SLC24A4: variants seen among roughly 807,000 people sequenced by gnomAD.
The protein encoded by SLC24A4 is sodium/potassium/calcium exchanger 4.
Under a neutral mutation model 79.0 loss-of-function variants are expected in SLC24A4, and 53 were observed. The observed-to-expected ratio is 0.67, with a 90% confidence interval of 0.54 to 0.84. The LOEUF is 0.84. SLC24A4 is among the 40% of genes least tolerant of loss of function. The probability of loss-of-function intolerance (pLI) is 0.00; values close to 1 mark genes in which losing one functional copy is unlikely to be tolerated. For synonymous variants in SLC24A4, 323 were observed against 323.8 expected (o/e 1.00, Z 0.03); for missense variants, 731 against 822.0 (o/e 0.89, Z 1.35).
intron 2 of SLC24A4, among the ~76,000 whole-genome samples, chr14:92,345,781 G>A (rs929860522): frequency 2.6e-5 from 4 of 152,184 alleles, no homozygotes; most frequent in African/African-American, 9.7e-5. Flanking sequence ...GTGAAAGGGG[G>A]ATGTTCATAG....
chr14:92,465,389 TC>T (rs1894046633), intron 12 of SLC24A4, among the ~76,000 whole-genome samples: 1 of 152,162 alleles, frequency 6.6e-6, no homozygotes, highest in African/African-American at 2.4e-5. Flanking sequence ...GGCCTTAACT[TC>T]AGGTCATCTT....
At chr14:92,478,473 CA>C (rs754691977) in intron 12 of SLC24A4, among the ~76,000 whole-genome samples, 6 of 152,130 alleles carry the variant, frequency 3.9e-5, no homozygotes, top group Non-Finnish European at 7.3e-5. Context: ...TTTCTGGACT[CA>C]AAATTTTATT....
chr14:92,454,260 A>G (rs1380222373), intron 11 of SLC24A4, among the ~76,000 whole-genome samples, 191 bp downstream of exon 11: 1 of 152,236 alleles, frequency 6.6e-6, no homozygotes, highest in African/African-American at 2.4e-5. Flanking sequence ...GCCTGCAGCA[A>G]TCGAATACCT....
At chr14:92,380,932 C>T (rs1027288982) in intron 2 of SLC24A4, among the ~76,000 whole-genome samples, 3 of 152,136 alleles carry the variant, frequency 2.0e-5, no homozygotes, top group Non-Finnish European at 1.5e-5. Flanking sequence ...ATGTACTCTT[C>T]CTTTTGGGCC....
intron 2 of SLC24A4, among the ~76,000 whole-genome samples, chr14:92,355,722 G>T (rs4243693): frequency 0.87 from 133,007 of 152,216 alleles, 58,547 homozygotes; most frequent in East Asian, 0.98. Context: ...ATCATACCTT[G>T]GAGGATCTGC....
At chr14:92,361,974 G>A (rs1887557506) in intron 2 of SLC24A4, among the ~76,000 whole-genome samples, 1 of 152,182 alleles carries the variant, frequency 6.6e-6, no homozygotes, top group South Asian at 2.1e-4. Context: ...GCCCAGAGGA[G>A]GACCCTTGAG....
At chr14:92,463,931 C>T (rs1294390555) in intron 12 of SLC24A4, among the ~76,000 whole-genome samples, 1 of 152,172 alleles carries the variant, frequency 6.6e-6, no homozygotes, top group Non-Finnish European at 1.5e-5. Flanking sequence ...CTTCCTTTAC[C>T]TAACATGATG....
chr14:92,348,162 T>G (rs2141635671), intron 2 of SLC24A4, among the ~76,000 whole-genome samples: 1 of 152,300 alleles, frequency 6.6e-6, no homozygotes, highest in East Asian at 1.9e-4. Context: ...ACTGAGTGTG[T>G]GAACTCAGCA....
chr14:92,479,013 A>G (rs1894918156), intron 12 of SLC24A4, among the ~76,000 whole-genome samples: 3 of 152,182 alleles, frequency 2.0e-5, no homozygotes, highest in Admixed American at 6.5e-5. Context: ...ATGTAGAAAA[A>G]CACAACTGAA....
Position 92,501,372 on chromosome 14 carries a change from GA to G in SLC24A4, c.*7751del, listed in dbSNP as rs1321018019. The G allele has an allele frequency of 3.9e-5, 6 of 152,048 alleles. No homozygotes were observed. Among genetic ancestry groups the G allele is most frequent in the African/African-American group, 1.4e-4 (6 of 41,412 alleles). The allele number at this position is 152,048 out of a possible 1,614,324, so 9.4% of individuals were successfully genotyped here. On this transcript the variant is annotated 3_prime_UTR_variant, in exon 17 of 17. Coordinates refer to ENST00000532405, the MANE Select transcript of SLC24A4 (RefSeq NM_153646.4). ...GGCATGAGTTTATTTTTATTGTGAAGAAAAAAATCTACAGCAATCTAAACTA... is the reference window on the plus strand; with the variant it reads ...GGCATGAGTTTATTTTTATTGTGAAGAAAAAATCTACAGCAATCTAAACTA...
intron 2 of SLC24A4, among the ~76,000 whole-genome samples, chr14:92,373,211 C>CACAT (rs145882618): frequency 2.7e-3 from 402 of 149,418 alleles, no homozygotes; most frequent in Non-Finnish European, 4.4e-3. Context: ...CACACACACA[C>CACAT]ATATATATAT....
In SLC24A4 at chr14:92,501,158, T is replaced by A. The variant is rs1896145502; in HGVS notation, c.*7530T>A. ...GCTGAACACCACCATCTTTGTTCAT[T>A]CTCTCTCTAATGGGCAAAGCAGGAT... On this transcript the variant is annotated 3_prime_UTR_variant, in exon 17 of 17. Transcript: ENST00000532405. 6.6e-6 allele frequency: 1 copy of A among 152,236 alleles called. No individual in the cohort carries two copies. Among genetic ancestry groups the A allele is most frequent in the African/African-American group, 2.4e-5 (1 of 41,458 alleles). The allele number at this position is 152,236 out of a possible 1,614,324, so 9.4% of individuals were successfully genotyped here. A position where few individuals can be genotyped will look rare whatever the true frequency, so the allele number is the denominator to read the frequency against.
At chr14:92,487,304 A>T (rs565670340) in intron 14 of SLC24A4, among the ~76,000 whole-genome samples, 10 of 152,322 alleles carry the variant, frequency 6.6e-5, no homozygotes, top group Non-Finnish European at 1.5e-4. Flanking sequence ...AAGAGCTGTA[A>T]CAAGTGCAGG....
chr14:92,449,086 G>T lies in SLC24A4; in HGVS notation c.750G>T (p.Lys250Asn), dbSNP rs1213543233. The T allele has an allele frequency of 1.2e-6, 2 of 1,614,144 alleles. No homozygotes were observed. The highest frequency in any genetic ancestry group is 8.5e-7 in the Non-Finnish European group (1 of 1,180,024). ...CCCTCGCTTCCAGGTACAATGTGAA[G>T]ATGCAAGCCTTTTTCACAGTCAAAC... ...FYILIMKYNV[K>N]MQAFFTVKQK... The change falls in exon 10 of 17, where the codon AAG becomes AAT. Residue 250 changes from lysine (K) to asparagine (N), a missense_variant. Transcript: ENST00000532405.
chr14:92,324,076 C>A, intron 1 of SLC24A4, 116 bp downstream of exon 1: 3 of 1,362,952 alleles, frequency 2.2e-6, no homozygotes, highest in South Asian at 1.5e-5. Context: ...CCCAAGGGTT[C>A]ATCCAGTCCC....
rs542928384 is a variant in SLC24A4 at position 92,416,006 on chromosome 14, C to T, written c.242-17906C>T. 1.4e-4 allele frequency among the ~76,000 whole-genome samples: 22 copies of T among 152,140 alleles called. No homozygotes were observed. In the South Asian group the frequency reaches 3.1e-3, roughly 21 times the overall value. ...ACTCCCACTTGTAAGTGAAAACATACGATGTTTGGTTTTCCAATGCATGGG... is the reference window on the plus strand; with the variant it reads ...ACTCCCACTTGTAAGTGAAAACATATGATGTTTGGTTTTCCAATGCATGGG... On this transcript the variant is annotated intron_variant, in intron 2 of 16. Transcript: ENST00000532405.
At chr14:92,471,075 A>G (rs1482218636) in intron 12 of SLC24A4, among the ~76,000 whole-genome samples, 16 of 152,230 alleles carry the variant, frequency 1.1e-4, no homozygotes, top group Admixed American at 1.0e-3. Context: ...ATTCAGCTGC[A>G]TGTAACAGAA....
rs1039939329 is a variant in SLC24A4, at chr14:92,323,693, A to G, written c.-138A>G. 2.6e-6 allele frequency: 3 copies of G among 1,150,454 alleles called. No homozygotes were observed. The highest frequency in any genetic ancestry group is 1.7e-5 in the South Asian group (1 of 59,752). 71.3% of individuals were successfully genotyped at this position (1,150,454 alleles called of 1,614,324 possible). ...CCCCCGCCGACCTCGCCCTCGGGCC[A>G]TGAGGCTTTGGCCCGGAGCTCCTCG... On this transcript the variant is annotated 5_prime_UTR_variant, in exon 1 of 17. An upstream start codon of the reference 5' UTR is lost. Coordinates refer to ENST00000532405, the MANE Select transcript of SLC24A4 (RefSeq NM_153646.4). This position sits in a 1 kb window ranked among gnomAD's most constrained non-coding sequence, Gnocchi z 4.9.
At position 92,491,771 on chromosome 14, in the gene SLC24A4, A is replaced by T; in HGVS notation, c.1644A>T (p.Gly548=). The change falls in exon 15 of 17, where the codon GGA becomes GGT. Residue 548 remains glycine, a synonymous_variant. Transcript: ENST00000532405. The part of the protein sequence containing the change: ...WGLQTMVVNY[G]STVKINSRGL... Reference sequence around the variant, plus strand: ...TGCAGACCATGGTTGTTAATTATGGATCAACAGTAAGTTCCTCTCACCTTT... The same window carrying T: ...TGCAGACCATGGTTGTTAATTATGGTTCAACAGTAAGTTCCTCTCACCTTT... 1 of 1,609,178 alleles carries T rather than the reference A, an allele frequency of 6.2e-7. No homozygotes were observed. The highest frequency in any genetic ancestry group is 2.2e-5 in the East Asian group (1 of 44,866).
Sources: gnomAD v4.1 joint callset for allele counts (sites outside exome capture counted in the v4.1 genomes callset) on GRCh38, gnomAD v4.1.1 for gene constraint, Gnocchi (gnomAD v3.1) non-coding constraint, MANE v1.5 for transcripts, NCBI Gene and HGNC (gene_info 2026-07-23, HGNC 2026-07-21) for gene names.